The following ORC1 variants were observed in gnomAD, a reference collection of about 807,000 sequenced individuals.
ORC1 encodes the protein origin recognition complex subunit 1, also known as origin recognition complex, subunit 1 homolog.
A neutral mutation model predicts 98.9 loss-of-function variants in ORC1; 61 were observed. The observed-to-expected ratio is 0.62, with a 90% confidence interval of 0.50 to 0.76. The LOEUF (loss-of-function observed/expected upper bound fraction) is 0.76, where lower values mean the gene tolerates loss of function less well. Among genes scored for constraint, ORC1 ranks in the 30% least tolerant of loss-of-function variants. ORC1 has a pLI of 0.00. For synonymous variants in ORC1, 385 were observed against 406.9 expected (o/e 0.95, Z 0.65); for missense variants, 979 against 1,072.2 (o/e 0.91, Z 1.21).
chr1:52,390,536 C>T (rs1377360878), intron 6 of ORC1, among the ~76,000 whole-genome samples: 3 of 152,206 alleles, frequency 2.0e-5, no homozygotes, highest in Admixed American at 6.5e-5. Flanking sequence ...GTGGCTCACG[C>T]CTGTAATCCC....
intron 3 of ORC1, among the ~76,000 whole-genome samples, chr1:52,399,988 T>C (rs1250977208): frequency 6.6e-6 from 1 of 152,190 alleles, no homozygotes; most frequent in Non-Finnish European, 1.5e-5. Flanking sequence ...CATCCTCTCT[T>C]CCCTGCTTAG....
chr1:52,389,763 T>C (rs1647185906), intron 6 of ORC1, among the ~76,000 whole-genome samples: 1 of 152,200 alleles, frequency 6.6e-6, no homozygotes, highest in Non-Finnish European at 1.5e-5. Flanking sequence ...TACTACAAAT[T>C]GTAACTTCTG....
intron 6 of ORC1, among the ~76,000 whole-genome samples, chr1:52,391,694 T>G (rs1271661031): frequency 6.6e-6 from 1 of 151,308 alleles, no homozygotes; most frequent in Non-Finnish European, 1.5e-5. Flanking sequence ...AGATCAGGAG[T>G]TCGAGACTAG....
chr1:52,393,248 T>C (rs1647260874), intron 6 of ORC1, among the ~76,000 whole-genome samples, 195 bp downstream of exon 6: 1 of 152,196 alleles, frequency 6.6e-6, no homozygotes, highest in South Asian at 2.1e-4. Context: ...CAAATACAGA[T>C]TCCTAGGGCC....
chr1:52,393,683 T>C lies in ORC1; in HGVS notation c.842A>G (p.Asp281Gly). 5 of 1,614,094 alleles carry C rather than the reference T, an allele frequency of 3.1e-6. No individual in the cohort carries two copies. Among genetic ancestry groups the C allele is most frequent in the Non-Finnish European group, 4.2e-6 (5 of 1,179,998 alleles). Residue 281 changes from aspartate to glycine, a missense_variant, in exon 6 of 17, where the codon GAT becomes GGT. Physicochemically the swap from Asp to Gly is moderately conservative, Grantham distance 94. Transcript: ENST00000371568. ...AGCTGGAGACAAGGTTTGAAGTTTA[T>C]CAGGCTGAGATCTCTTAGAAGGTGA... ...ITSPSKRSQP[D>G]KLQTLSPALK...
chr1:52,398,656 A>C (rs1647543101), intron 3 of ORC1, among the ~76,000 whole-genome samples: 1 of 151,796 alleles, frequency 6.6e-6, no homozygotes, highest in Non-Finnish European at 1.5e-5. Flanking sequence ...ATCTTGGCTC[A>C]CTGCAAGCTC....
At chr1:52,378,248 G>C (rs1326193460) in intron 14 of ORC1, among the ~76,000 whole-genome samples, 1 of 152,092 alleles carries the variant, frequency 6.6e-6, no homozygotes, top group African/African-American at 2.4e-5. Context: ...AGGAGACTGA[G>C]GCAGGAGAAT....
rs1385928372 is a variant in ORC1, at chr1:52,375,437, C to T, written c.2296G>A (p.Ala766Thr). 1 of 1,614,060 alleles carries T rather than the reference C, an allele frequency of 6.2e-7. No homozygotes were observed. The highest frequency in any genetic ancestry group is 2.2e-5 in the East Asian group (1 of 44,878). Residue 766 changes from alanine (A) to threonine (T), a missense_variant, in exon 15 of 17, where the codon GCC (alanine) becomes ACC (threonine). By Grantham distance (58) the Ala-to-Thr change is moderately conservative (BLOSUM62 0). Transcript: ENST00000371568. The stretch of plus-strand genomic sequence containing the variant: ...GGAAGTGGAGCATCTTACTTGATGG[C>T]CGTGATGTATGATGATGAAAACATC... ...DEMFSSSYIT[A>T]IKNSSVLEQS...
intron 5 of ORC1, among the ~76,000 whole-genome samples, chr1:52,395,103 A>C (rs910698810): frequency 6.6e-6 from 1 of 152,216 alleles, no homozygotes; most frequent in African/African-American, 2.4e-5. Context: ...GTTGACACCT[A>C]CACAAAAAAT....
rs377393077 is a variant in ORC1, at chr1:52,401,316, A to G, written c.223+46T>C. ...GAATCCACAATCTCCCCACCTCCCA[A>G]TCATTCATGACAAGGAATGGTTTAT... On this transcript the variant is annotated intron_variant, in intron 3 of 16. Coordinates refer to ENST00000371568, the MANE Select transcript of ORC1 (RefSeq NM_004153.4). 4.3e-6 allele frequency: 7 copies of G among 1,611,960 alleles called. No individual in the cohort carries two copies. In the Middle Eastern group the frequency reaches 6.6e-4, roughly 152 times the overall value.
chr1:52,373,115 G>C lies in ORC1; in HGVS notation c.*66C>G, dbSNP rs2147905597. On this transcript the variant is annotated 3_prime_UTR_variant, in exon 17 of 17. Coordinates refer to ENST00000371568, the MANE Select transcript of ORC1 (RefSeq NM_004153.4). ...CCACTGCACTCCAGCCTGGGCGACA[G>C]AGCAAGACCCTGTCTCAAAAAACAA... The C allele has an allele frequency of 6.5e-7, 1 of 1,529,514 alleles. No homozygotes were observed. Among genetic ancestry groups the C allele is most frequent in the African/African-American group, 1.4e-5 (1 of 73,460 alleles). The allele number at this position is 1,529,514 out of a possible 1,614,324, so 94.7% of individuals were successfully genotyped here.
chr1:52,398,303 C>T (rs189784451), intron 3 of ORC1, among the ~76,000 whole-genome samples: 1 of 140,576 alleles, frequency 7.1e-6, no homozygotes, highest in Non-Finnish European at 1.6e-5. Flanking sequence ...TTGCTCTGTC[C>T]CCCAGGCTGG....
chr1:52,408,379 C>A (rs1189205177), upstream of ORC1: 1 of 719,862 alleles, frequency 1.4e-6, no homozygotes, highest in East Asian at 2.7e-5. Context: ...TAAATGGTAG[C>A]ATGGGAACTT....
At chr1:52,375,641 A>G (rs753239704) in intron 14 of ORC1, 42 bp from the exon 15 acceptor site, 10 of 1,592,876 alleles carry the variant, frequency 6.3e-6, no homozygotes, top group South Asian at 5.5e-5. Flanking sequence ...ACCTTAGCCC[A>G]GAAGAACCAA....
chr1:52,379,988 A>G (rs1423961386), intron 14 of ORC1, among the ~76,000 whole-genome samples: 1 of 152,210 alleles, frequency 6.6e-6, no homozygotes, highest in Non-Finnish European at 1.5e-5. Context: ...TTTAGCAAAA[A>G]GTCTCTGGTC....
intron 8 of ORC1, among the ~76,000 whole-genome samples, chr1:52,387,333 G>A (rs1421356792): frequency 1.3e-5 from 2 of 152,184 alleles, no homozygotes; most frequent in Non-Finnish European, 2.9e-5. Context: ...ATCTAGGGTA[G>A]AACAATTTCA....
Position 52,385,209 on chromosome 1 carries a change from T to C in ORC1, c.1535A>G (p.Gln512Arg). The change falls in exon 10 of 17, where the codon CAA (glutamine) becomes CGA (arginine). Residue 512 changes from glutamine (Q) to arginine (R), a missense_variant. Physicochemically the swap from Gln to Arg is conservative, Grantham distance 43 (BLOSUM62 1). Transcript: ENST00000371568. ...GCTTTCCACAAAATTGTAGATGTCTTGGAATTCCTGTTCCCGACAGGGAAG... is the reference window on the plus strand; with the variant it reads ...GCTTTCCACAAAATTGTAGATGTCTCGGAATTCCTGTTCCCGACAGGGAAG... ...ESLPCREQEF[Q>R]DIYNFVESKL... 1 of 1,614,062 alleles carries C rather than the reference T, an allele frequency of 6.2e-7. No individual in the cohort carries two copies. Among genetic ancestry groups the C allele is most frequent in the East Asian group, 2.2e-5 (1 of 44,882 alleles).
upstream of ORC1, chr1:52,408,764 A>T: frequency 1.3e-6 from 2 of 1,541,846 alleles, no homozygotes; most frequent in Non-Finnish European, 1.8e-6. Context: ...CTACCTTTGC[A>T]TTGTCATAGA....
chr1:52,382,716 A>G (rs1647088620), intron 13 of ORC1, among the ~76,000 whole-genome samples: 1 of 150,440 alleles, frequency 6.6e-6, no homozygotes, highest in South Asian at 2.1e-4. Context: ...AGTAGCTGGG[A>G]TTACAGGCAT....
Sources: allele counts gnomAD v4.1 joint callset (sites outside exome capture counted in the v4.1 genomes callset), GRCh38; gene constraint gnomAD v4.1.1; transcripts MANE v1.5; gene names NCBI Gene and HGNC (gene_info 2026-07-23, HGNC 2026-07-21).